ZMAT3: variants seen among roughly 807,000 people sequenced by gnomAD.
ZMAT3 encodes zinc finger matrin-type 3.
ZMAT3 carries 17 observed loss-of-function variants against 32.3 expected under a neutral mutation model. That is an observed-to-expected ratio of 0.53 (90% CI 0.36 to 0.79). ZMAT3 has a LOEUF of 0.79. Ranked by LOEUF, ZMAT3 falls within the 30% of genes least tolerant of loss-of-function variation. ZMAT3 has a pLI of 0.00. For synonymous variants in ZMAT3, 120 were observed against 133.1 expected (o/e 0.90, Z 0.68); for missense variants, 329 against 359.7 (o/e 0.91, Z 0.69).
chr3:179,032,229 C>A (rs1719287182), intron 2 of ZMAT3, among the ~76,000 whole-genome samples: 1 of 151,778 alleles, frequency 6.6e-6, no homozygotes, highest in African/African-American at 2.4e-5. Context: ...GTCTCCAGCT[C>A]CTGACCGCGA....
intron 2 of ZMAT3, among the ~76,000 whole-genome samples, chr3:179,065,214 G>C (rs6762189): frequency 0.17 from 25,397 of 151,914 alleles, 2,319 homozygotes; most frequent in African/African-American, 0.24. Flanking sequence ...TGCTTAAATT[G>C]TCCCATTACA....
In ZMAT3 at chr3:179,027,730, G is replaced by C. The variant is rs771551706; in HGVS notation, c.473C>G (p.Ser158Cys). The C allele has an allele frequency of 1.2e-6, 2 of 1,614,182 alleles. No homozygotes were observed. Among genetic ancestry groups the C allele is most frequent in the East Asian group, 4.5e-5 (2 of 44,876 alleles). The change falls in exon 4 of 6, where the codon TCC (serine) becomes TGC (cysteine). Residue 158 changes from serine to cysteine, a missense_variant. Transcript: ENST00000311417. ...ATAGTGAGCCTGAGCCACAGCTGGG[G>C]AACTGAAGGAGGCATCACAGAGCTT... ...YCKLCDASFSSPAVAQAHYQG... is the reference protein window; with the variant it reads ...YCKLCDASFSCPAVAQAHYQG...
chr3:179,023,696 C>CTATATATATATATA lies in ZMAT3; in HGVS notation c.*1307_*1320dup, dbSNP rs1177829489. 4.0e-4 allele frequency: 11 copies of CTATATATATATATA among 27,390 alleles called. No homozygotes were observed. The highest frequency in any genetic ancestry group is 1.8e-3 in the African/African-American group (11 of 5,988). 1.7% of individuals were successfully genotyped at this position (27,390 alleles called of 1,614,324 possible). A position where few individuals can be genotyped will look rare whatever the true frequency, so the allele number is the denominator to read the frequency against. On this transcript the variant is annotated 3_prime_UTR_variant, in exon 6 of 6. Coordinates refer to ENST00000311417, the MANE Select transcript of ZMAT3 (RefSeq NM_022470.4). ...TCCTAAAAACTGCTGGAAAATATATCTATATATATATATATTTTTTTTTTT... is the reference window on the plus strand; with the variant it reads ...TCCTAAAAACTGCTGGAAAATATATCTATATATATATATATATATATATATATATTTTTTTTTTT...
intron 2 of ZMAT3, among the ~76,000 whole-genome samples, chr3:179,033,153 C>T (rs1560086468): frequency 6.6e-6 from 1 of 152,230 alleles, no homozygotes; most frequent in Non-Finnish European, 1.5e-5. Context: ...AAAAATTCTT[C>T]TGCCTTGGGC....
In ZMAT3 at chr3:179,021,976, A is replaced by T. The variant is rs568665398; in HGVS notation, c.*3041T>A. 3 of 152,212 alleles carry T rather than the reference A, an allele frequency of 2.0e-5. No individual in the cohort carries two copies. The highest frequency in any genetic ancestry group is 4.4e-5 in the Non-Finnish European group (3 of 68,032). 9.4% of individuals were successfully genotyped at this position (152,212 alleles called of 1,614,324 possible). A position where few individuals can be genotyped will look rare whatever the true frequency, so the allele number is the denominator to read the frequency against. The stretch of plus-strand genomic sequence containing the variant: ...TTACAAGTGATCATGGAAGTTATTT[A>T]TCAACTTCCCAGAGTTTGGAATTTA... On this transcript the variant is annotated 3_prime_UTR_variant, in exon 6 of 6. Transcript: ENST00000311417.
intron 2 of ZMAT3, among the ~76,000 whole-genome samples, chr3:179,042,504 G>T (rs1399543268): frequency 6.6e-6 from 1 of 152,120 alleles, no homozygotes; most frequent in Non-Finnish European, 1.5e-5. Context: ...GGCAGAAAAG[G>T]CCTTTGACAA....
intron 2 of ZMAT3, among the ~76,000 whole-genome samples, chr3:179,044,572 A>T (rs920290861): frequency 1.3e-4 from 20 of 152,146 alleles, no homozygotes; most frequent in Non-Finnish European, 2.4e-4. Flanking sequence ...TGAACCCAGG[A>T]GGCGGAGCTT....
rs74690713 is a variant in ZMAT3, at chr3:179,069,754, A to G, written c.-58+1841T>C. Among the ~76,000 whole-genome samples, 2,445 of 152,330 alleles carry G rather than the reference A, an allele frequency of 0.016. 126 individuals are homozygous for G. In the East Asian group the frequency reaches 0.21, roughly 13 times the overall value. On this transcript the variant is annotated intron_variant, in intron 1 of 5. Transcript: ENST00000311417. ...GTAGTTAAGGACAAAGTGCATAAGT[A>G]TTAGTCATAGAATTTAACAATACTT...
chr3:179,062,531 A>C (rs2108585333), intron 2 of ZMAT3, among the ~76,000 whole-genome samples: 1 of 152,264 alleles, frequency 6.6e-6, no homozygotes, highest in East Asian at 1.9e-4. Context: ...CTAGAGGAGG[A>C]GGCAAAAAAC....
At chr3:179,048,505 C>T (rs957920231) in intron 2 of ZMAT3, among the ~76,000 whole-genome samples, 1 of 152,206 alleles carries the variant, frequency 6.6e-6, no homozygotes, top group Non-Finnish European at 1.5e-5. Flanking sequence ...GGGGTCCTAT[C>T]TTTAGCCTTC....
At chr3:179,038,238 G>T (rs557062687) in intron 2 of ZMAT3, among the ~76,000 whole-genome samples, 85 of 152,316 alleles carry the variant, frequency 5.6e-4, no homozygotes, top group Non-Finnish European at 1.1e-3. Context: ...ACGAGGTCAG[G>T]TTAGAGATAG....
intron 2 of ZMAT3, among the ~76,000 whole-genome samples, chr3:179,036,450 A>G (rs955228801): frequency 3.3e-5 from 5 of 152,188 alleles, no homozygotes; most frequent in African/African-American, 1.2e-4. Context: ...GACAGAGTGG[A>G]GACAGATAAC....
intron 2 of ZMAT3, among the ~76,000 whole-genome samples, chr3:179,033,324 A>T (rs1007548232): frequency 4.6e-5 from 7 of 152,096 alleles, no homozygotes; most frequent in Non-Finnish European, 8.8e-5. Context: ...CCCTAATCTC[A>T]AGTACCCAGA....
intron 2 of ZMAT3, among the ~76,000 whole-genome samples, chr3:179,042,715 TCTGGCCAGGG>T (rs1440609113): frequency 1.3e-5 from 2 of 152,216 alleles, no homozygotes. Context: ...TGTTGGAAGT[TCTGGCCAGGG>T]CAATCAGGCA....
rs955159859 is a variant in ZMAT3, at chr3:179,024,729, A to C, written c.*288T>G. The C allele has an allele frequency of 6.3e-6, 2 of 319,220 alleles. No homozygotes were observed. Among genetic ancestry groups the C allele is most frequent in the South Asian group, 5.7e-5 (1 of 17,530 alleles). 19.8% of individuals were successfully genotyped at this position (319,220 alleles called of 1,614,324 possible). A position where few individuals can be genotyped will look rare whatever the true frequency, so the allele number is the denominator to read the frequency against. On this transcript the variant is annotated 3_prime_UTR_variant, in exon 6 of 6. Coordinates refer to ENST00000311417, the MANE Select transcript of ZMAT3 (RefSeq NM_022470.4). ...CTACTAGTTGACCAGAACTTGAGCA[A>C]GATAAAAAGTTATTTCTGATGGGGT...
In ZMAT3 at chr3:179,023,703, TA is replaced by T. The variant is rs1718677513; in HGVS notation, c.*1313del. ...AACTGCTGGAAAATATATCTATATA[TA>T]TATATATTTTTTTTTTTTTTTTTTT... On this transcript the variant is annotated 3_prime_UTR_variant, in exon 6 of 6. Transcript: ENST00000311417. 6.0e-5 allele frequency: 1 copy of T among 16,708 alleles called. No homozygotes were observed. Among genetic ancestry groups the T allele is most frequent in the Non-Finnish European group, 1.0e-4 (1 of 9,592 alleles). 1.0% of individuals were successfully genotyped at this position (16,708 alleles called of 1,614,324 possible).
chr3:179,033,556 GAA>G lies in ZMAT3; in HGVS notation c.271-2559_271-2558del, dbSNP rs11305804. On this transcript the variant is annotated intron_variant, in intron 2 of 5. Transcript: ENST00000311417. Reference sequence around the variant, plus strand: ...AAAAGAAAAGAATATGGGATTTTAGGAAAAAAAAAAAAGAAGTATCACATTTT... The same window carrying G: ...AAAAGAAAAGAATATGGGATTTTAGGAAAAAAAAAAGAAGTATCACATTTT... Among the ~76,000 whole-genome samples the G allele has an allele frequency of 3.0e-4, 45 of 147,934 alleles. 1 individual carries two copies. The highest frequency in any genetic ancestry group is 1.9e-3 in the South Asian group (9 of 4,646).
intron 2 of ZMAT3, among the ~76,000 whole-genome samples, chr3:179,041,133 G>A (rs1425749857): frequency 6.6e-6 from 1 of 152,054 alleles, no homozygotes; most frequent in Admixed American, 6.5e-5. Flanking sequence ...AATAATAATA[G>A]GAGACTTTAA....
intron 2 of ZMAT3, among the ~76,000 whole-genome samples, chr3:179,053,619 T>G (rs1291218099): frequency 6.6e-6 from 1 of 152,174 alleles, no homozygotes; most frequent in Non-Finnish European, 1.5e-5. Flanking sequence ...CTTAAACAAG[T>G]GATCAGAGTT....
Sources: gnomAD v4.1 joint callset for allele counts (sites outside exome capture counted in the v4.1 genomes callset) on GRCh38, gnomAD v4.1.1 for gene constraint, MANE v1.5 for transcripts, NCBI Gene and HGNC (gene_info 2026-07-23, HGNC 2026-07-21) for gene names.